NAV3: variants seen among roughly 807,000 people sequenced by gnomAD.
NAV3 encodes neuron navigator 3, also known as pore membrane and/or filament interacting like protein 1.
In NAV3, 87 loss-of-function variants were observed where a neutral mutation model predicts 244.7. The observed-to-expected ratio is 0.36, with a 90% CI of 0.30 to 0.42. NAV3 has a LOEUF of 0.42. Ranked by LOEUF, NAV3 falls within the 20% of genes least tolerant of loss-of-function variation. NAV3 has a pLI of 1.00. For missense variants in NAV3, 2,663 were observed against 2,893.3 expected (o/e 0.92, Z 1.83); for synonymous variants, 1,126 against 1,042.2 (o/e 1.08, Z -1.55).
chr12:77,744,321 G>A (rs1868426836), intron 2 of NAV3, among the ~76,000 whole-genome samples: 1 of 151,930 alleles, frequency 6.6e-6, no homozygotes, highest in African/African-American at 2.4e-5. Flanking sequence ...ATGAGACAAG[G>A]AAAGATTTTT....
intron 2 of NAV3, among the ~76,000 whole-genome samples, chr12:77,623,468 C>T (rs1008599050): frequency 1.7e-4 from 26 of 152,240 alleles, no homozygotes; most frequent in African/African-American, 6.0e-4. Context: ...TTCTCCTGTA[C>T]AACAGAGAAT....
intron 2 of NAV3, among the ~76,000 whole-genome samples, chr12:77,745,774 A>G (rs531568137): frequency 1.2e-3 from 190 of 152,116 alleles, no homozygotes; most frequent in Non-Finnish European, 2.5e-3. Context: ...TGTATTCTGA[A>G]TCAATCAGCA....
At chr12:77,618,373 A>G (rs964512739) in intron 2 of NAV3, among the ~76,000 whole-genome samples, 6 of 152,224 alleles carry the variant, frequency 3.9e-5, no homozygotes, top group African/African-American at 1.4e-4. Context: ...TTAAATTTAT[A>G]GATAGGCACT....
Position 78,191,299 on chromosome 12 carries a change from G to C in NAV3, c.6291+1080G>C, listed in dbSNP as rs1240957583. Among the ~76,000 whole-genome samples, 3 of 152,044 alleles carry C rather than the reference G, an allele frequency of 2.0e-5. No individual in the cohort carries two copies. The East Asian group carries it at 5.8e-4, about 29-fold the overall frequency. On this transcript the variant is annotated intron_variant, in intron 34 of 39. Transcript: ENST00000397909. ...AGTGTGTATATGCATGTGTGTGTCT[G>C]TGTGTGTGTGAGAGAGACAGAGAGA...
chr12:77,623,558 G>A (rs1364972167), intron 2 of NAV3, among the ~76,000 whole-genome samples: 1 of 152,184 alleles, frequency 6.6e-6, no homozygotes, highest in Non-Finnish European at 1.5e-5. Flanking sequence ...TATTATCTAA[G>A]AGGCAGCATA....
intron 3 of NAV3, among the ~76,000 whole-genome samples, chr12:77,960,686 T>C (rs1001024477): frequency 6.8e-6 from 1 of 147,630 alleles, no homozygotes; most frequent in Non-Finnish European, 1.5e-5. Flanking sequence ...ACATATATAG[T>C]AATATATAAT....
At chr12:77,593,060 A>G (rs1869981471) in intron 2 of NAV3, among the ~76,000 whole-genome samples, 1 of 152,128 alleles carries the variant, frequency 6.6e-6, no homozygotes, top group South Asian at 2.1e-4. Context: ...TGCCACGCAA[A>G]CAACCCTGCT....
chr12:78,143,962 C>T (rs1956746199), intron 20 of NAV3, among the ~76,000 whole-genome samples: 2 of 152,056 alleles, frequency 1.3e-5, no homozygotes, highest in African/African-American at 4.8e-5. Context: ...GAAAGAAATA[C>T]CCTTTGCTAT....
chr12:77,699,069 A>G (rs1306886491), intron 2 of NAV3, among the ~76,000 whole-genome samples: 2 of 152,144 alleles, frequency 1.3e-5, no homozygotes, highest in South Asian at 2.1e-4. Flanking sequence ...TAGAGGTTAT[A>G]TATTTGATTT....
chr12:78,129,697 T>A (rs1956079567), intron 18 of NAV3, among the ~76,000 whole-genome samples: 1 of 152,150 alleles, frequency 6.6e-6, no homozygotes, highest in South Asian at 2.1e-4. Flanking sequence ...TAAATATTTT[T>A]ATTATTAGTT....
chr12:77,605,598 A>C (rs998978671), intron 2 of NAV3, among the ~76,000 whole-genome samples: 1 of 152,174 alleles, frequency 6.6e-6, no homozygotes, highest in African/African-American at 2.4e-5. Flanking sequence ...TAATGTGTTC[A>C]TTTTGTCCTG....
At chr12:77,932,156 T>G (rs745788412) in intron 1 of NAV3, among the ~76,000 whole-genome samples, 1 of 152,158 alleles carries the variant, frequency 6.6e-6, no homozygotes, top group Non-Finnish European at 1.5e-5. Context: ...AATCAGTTGC[T>G]GGGGTCTCAA....
At chr12:77,706,870 C>CAAAAAAAAAA (rs34067727) in intron 2 of NAV3, among the ~76,000 whole-genome samples, 2 of 68,036 alleles carry the variant, frequency 2.9e-5, no homozygotes, top group Admixed American at 2.4e-4. Flanking sequence ...GACTCTGTTT[C>CAAAAAAAAAA]AAAAAAAAAA....
At chr12:77,727,346 G>A (rs1876923541) in intron 2 of NAV3, among the ~76,000 whole-genome samples, 2 of 151,886 alleles carry the variant, frequency 1.3e-5, no homozygotes, top group East Asian at 3.9e-4. Flanking sequence ...TGGAAGCTTT[G>A]TAGACAGCAA....
chr12:78,119,863 A>G lies in NAV3; in HGVS notation c.3667A>G (p.Thr1223Ala), dbSNP rs769990991. 2 of 1,614,096 alleles carry G rather than the reference A, an allele frequency of 1.2e-6. No individual in the cohort carries two copies. Among genetic ancestry groups the G allele is most frequent in the Admixed American group, 1.7e-5 (1 of 60,016 alleles). The change falls in exon 15 of 40, where the codon ACC (threonine) becomes GCC (alanine). Residue 1223 changes from threonine to alanine, a missense_variant. By Grantham distance (58) the Thr-to-Ala change is moderately conservative. This residue lies in a region of NAV3 where 1,521 missense variants were observed against 1,497.0 expected (regional missense o/e 1.02). Transcript: ENST00000397909. ...SLSGSPKSSP[T>A]SASACGAQGL... ...GTCAGGTTCCCCCAAATCCAGCCCCACCTCTGCCAGCGCCTGTGGTGCACA... is the reference window on the plus strand; with the variant it reads ...GTCAGGTTCCCCCAAATCCAGCCCCGCCTCTGCCAGCGCCTGTGGTGCACA...
intron 1 of NAV3, among the ~76,000 whole-genome samples, chr12:77,872,418 AG>A (rs1881115710): frequency 6.6e-6 from 1 of 152,224 alleles, no homozygotes; most frequent in Non-Finnish European, 1.5e-5. Context: ...ATTCAGAGAA[AG>A]AAGGGACTGG....
chr12:78,133,206 G>C (rs866367499), intron 18 of NAV3, among the ~76,000 whole-genome samples: 3 of 151,990 alleles, frequency 2.0e-5, no homozygotes, highest in Non-Finnish European at 4.4e-5. Flanking sequence ...AACACGTATG[G>C]CTTCAAATCA....
Position 78,128,689 on chromosome 12 carries a change from G to A in NAV3, c.4281-17G>A, listed in dbSNP as rs760830238. 4.3e-6 allele frequency: 7 copies of A among 1,611,488 alleles called. No individual in the cohort carries two copies. In the Admixed American group the frequency reaches 1.2e-4, roughly 27 times the overall value. On this transcript the variant is annotated splice_polypyrimidine_tract_variant and intron_variant, in intron 17 of 39. Coordinates refer to ENST00000397909, the MANE Select transcript of NAV3 (RefSeq NM_001024383.2). ...CTTGTAGATGTGCTTAAGTGTCATAGCTGTGCTGTTTTGCAGATATACCCC... is the reference window on the plus strand; with the variant it reads ...CTTGTAGATGTGCTTAAGTGTCATAACTGTGCTGTTTTGCAGATATACCCC...
intron 2 of NAV3, among the ~76,000 whole-genome samples, chr12:77,706,570 T>C (rs1301173929): frequency 1.3e-5 from 2 of 151,022 alleles, no homozygotes; most frequent in Non-Finnish European, 1.5e-5. Flanking sequence ...GAGAGACCCA[T>C]AATTAAAATA....
Sources: gnomAD v4.1 joint callset for allele counts (sites outside exome capture counted in the v4.1 genomes callset) on GRCh38, gnomAD v4.1.1 for gene constraint, gnomAD v4.1.1 regional missense constraint, MANE v1.5 for transcripts, NCBI Gene and HGNC (gene_info 2026-07-23, HGNC 2026-07-21) for gene names.